The following EPB41L4A variants were observed in gnomAD, a reference collection of about 807,000 sequenced individuals.
EPB41L4A encodes the protein erythrocyte membrane protein band 4.1 like 4A, also known as band 4.1-like protein 4A.
A neutral mutation model predicts 108.6 loss-of-function variants in EPB41L4A; 100 were observed. The observed-to-expected ratio is 0.92, with a 90% CI of 0.78 to 1.09. The LOEUF is 1.09. Ranked by LOEUF, EPB41L4A falls within the 50% of genes least tolerant of loss-of-function variation. The pLI, the probability that EPB41L4A is intolerant of heterozygous loss-of-function variation, is 0.00. For missense variants in EPB41L4A, 1,030 were observed against 842.7 expected, an observed-to-expected ratio of 1.22 and a Z score of -2.75; for synonymous variants, 319 against 289.0, an observed-to-expected ratio of 1.10 and a Z score of -1.05.
chr5:112,301,674 G>A (rs1404141120), intron 2 of EPB41L4A, among the ~76,000 whole-genome samples: 3 of 152,094 alleles, frequency 2.0e-5, no homozygotes, highest in African/African-American at 7.2e-5. Flanking sequence ...CACACTGCAC[G>A]ATCCGTCCGA....
At position 112,290,364 on chromosome 5, in the gene EPB41L4A, G is replaced by T. The variant is rs139656156; in HGVS notation, c.205-10041C>A. 4.3e-4 allele frequency among the ~76,000 whole-genome samples: 65 copies of T among 152,224 alleles called. 1 individual carries two copies. The highest frequency in any genetic ancestry group is 1.5e-3 in the African/African-American group (64 of 41,546). On this transcript the variant is annotated intron_variant, in intron 2 of 22. Transcript: ENST00000261486. Reference sequence around the variant, plus strand: ...TCCTGCCAACATATGCCTGTCTCTAGTGGAGCTGCCCTACAGTTGCATCTA... The same window carrying T: ...TCCTGCCAACATATGCCTGTCTCTATTGGAGCTGCCCTACAGTTGCATCTA...
intron 1 of EPB41L4A, among the ~76,000 whole-genome samples, chr5:112,405,258 C>G (rs1351677510): frequency 6.6e-6 from 1 of 152,102 alleles, no homozygotes; most frequent in East Asian, 1.9e-4. Flanking sequence ...TGTTGAAGGC[C>G]AGTGAGGAAC....
chr5:112,197,575 A>C (rs533020504), intron 15 of EPB41L4A, among the ~76,000 whole-genome samples: 5 of 152,296 alleles, frequency 3.3e-5, no homozygotes, highest in African/African-American at 1.2e-4. Context: ...TTCCATGTAC[A>C]TATCACTTGC....
At chr5:112,316,830 C>T (rs2150608030) in intron 1 of EPB41L4A, among the ~76,000 whole-genome samples, 2 of 152,268 alleles carry the variant, frequency 1.3e-5, no homozygotes, top group South Asian at 4.2e-4. Flanking sequence ...CTGAAGAACC[C>T]AGGATGGCTT....
chr5:112,181,396 G>C (rs1373872586), intron 18 of EPB41L4A, among the ~76,000 whole-genome samples: 1 of 152,018 alleles, frequency 6.6e-6, no homozygotes, highest in Non-Finnish European at 1.5e-5. Flanking sequence ...AGCTTGCAGT[G>C]AGCCGAGACT....
At chr5:112,270,494 G>C (rs1042226637) in intron 4 of EPB41L4A, among the ~76,000 whole-genome samples, 2 of 152,170 alleles carry the variant, frequency 1.3e-5, no homozygotes, top group African/African-American at 4.8e-5. Context: ...TGGCACATAT[G>C]ACTCAGCAGA....
chr5:112,282,426 G>A (rs147452710), intron 2 of EPB41L4A, among the ~76,000 whole-genome samples: 159 of 152,296 alleles, frequency 1.0e-3, no homozygotes, highest in South Asian at 4.1e-3. Context: ...ACTTGCATTC[G>A]GTTTCCACTG....
At chr5:112,249,262 AT>A (rs1750471424) in intron 9 of EPB41L4A, 1 of 152,134 alleles carries the variant, frequency 6.6e-6, no homozygotes, top group African/African-American at 2.4e-5. Flanking sequence ...TCCACACAAG[AT>A]TTACATTAAC....
intron 1 of EPB41L4A, among the ~76,000 whole-genome samples, chr5:112,359,074 G>A (rs1261927250): frequency 2.0e-5 from 3 of 152,162 alleles, no homozygotes; most frequent in Admixed American, 2.0e-4. Context: ...ACTTCCTGGA[G>A]TACTGAAAAT....
chr5:112,205,738 A>G (rs1344633516), intron 13 of EPB41L4A, among the ~76,000 whole-genome samples: 2 of 152,162 alleles, frequency 1.3e-5, no homozygotes, highest in Non-Finnish European at 2.9e-5. Flanking sequence ...GCTTTAGTCA[A>G]CAGATGCCAG....
chr5:112,152,738 T>C (rs377664665), intron 12 of EPB41L4A, among the ~76,000 whole-genome samples: 3 of 151,646 alleles, frequency 2.0e-5, no homozygotes, highest in African/African-American at 7.3e-5. Flanking sequence ...AAATGGAAAG[T>C]AATAGGAGGA....
At chr5:112,212,741 CAG>C (rs1434522206) in intron 12 of EPB41L4A, among the ~76,000 whole-genome samples, 11 of 152,206 alleles carry the variant, frequency 7.2e-5, no homozygotes, top group African/African-American at 2.6e-4. Flanking sequence ...GGGGCCACAG[CAG>C]AGAGACCAAT....
chr5:112,286,981 G>A lies in EPB41L4A; in HGVS notation c.205-6658C>T, dbSNP rs548708545. Reference sequence around the variant, plus strand: ...TCCATGTTCTTGAAATACGTCACACGCTTCTAGGACACTCCTCAATCTTGC... The same window carrying A: ...TCCATGTTCTTGAAATACGTCACACACTTCTAGGACACTCCTCAATCTTGC... On this transcript the variant is annotated intron_variant, in intron 2 of 22. Transcript: ENST00000261486. 1.5e-4 allele frequency among the ~76,000 whole-genome samples: 23 copies of A among 152,046 alleles called. No homozygotes were observed. The South Asian group carries it at 3.5e-3, about 23-fold the overall frequency.
At chr5:112,144,254 C>T (rs1479697766) in intron 13 of EPB41L4A, among the ~76,000 whole-genome samples, 1 of 152,140 alleles carries the variant, frequency 6.6e-6, no homozygotes, top group Non-Finnish European at 1.5e-5. Context: ...ATTGCACTCT[C>T]ATAGAGCTTT....
intron 11 of EPB41L4A, among the ~76,000 whole-genome samples, chr5:112,236,267 T>C (rs1028771621): frequency 5.3e-5 from 8 of 152,202 alleles, no homozygotes; most frequent in Non-Finnish European, 1.2e-4. Flanking sequence ...TGCCATAGGC[T>C]ATACAGGACC....
At position 112,364,560 on chromosome 5, in the gene EPB41L4A, G is replaced by C. The variant is rs906208715; in HGVS notation, c.99+54381C>G. On this transcript the variant is annotated intron_variant, in intron 1 of 22. Transcript: ENST00000261486. The stretch of plus-strand genomic sequence containing the variant: ...TTGTATTCTAATGGAGAAACTCAGT[G>C]GGGCAAGGGGGCTTTCTTATTTCAT... Among the ~76,000 whole-genome samples the C allele has an allele frequency of 2.0e-5, 3 of 152,138 alleles. No homozygotes were observed. The South Asian group carries it at 6.2e-4, about 32-fold the overall frequency.
downstream of EPB41L4A, among the ~76,000 whole-genome samples, chr5:112,141,919 C>T (rs1283159774): frequency 6.6e-6 from 1 of 152,142 alleles, no homozygotes; most frequent in Non-Finnish European, 1.5e-5. Context: ...GGTGACCACC[C>T]TCCTCCCCCA....
At chr5:112,253,789 T>A (rs1750862613) in intron 9 of EPB41L4A, among the ~76,000 whole-genome samples, 2 of 152,206 alleles carry the variant, frequency 1.3e-5, no homozygotes, top group African/African-American at 4.8e-5. Flanking sequence ...TAAATGAATA[T>A]GTTCTTCGTA....
At chr5:112,195,887 T>C (rs190733214) in intron 15 of EPB41L4A, among the ~76,000 whole-genome samples, 179 bp from the exon 16 acceptor site, 2 of 152,196 alleles carry the variant, frequency 1.3e-5, no homozygotes, top group African/African-American at 4.8e-5. Context: ...AGAAATATAA[T>C]GTTAATAACA....
Sources: allele counts gnomAD v4.1 joint callset (sites outside exome capture counted in the v4.1 genomes callset), GRCh38; gene constraint gnomAD v4.1.1; transcripts MANE v1.5; gene names NCBI Gene and HGNC (gene_info 2026-07-23, HGNC 2026-07-21).